HS6ST3: variants seen among roughly 807,000 people sequenced by gnomAD.
The protein encoded by HS6ST3 is heparan sulfate 6-O-sulfotransferase 3, also known as heparan-sulfate 6-O-sulfotransferase 3.
A neutral mutation model predicts 36.7 loss-of-function variants in HS6ST3; 12 were observed. The observed-to-expected ratio is 0.33, with a 90% CI of 0.21 to 0.53. HS6ST3 has a LOEUF of 0.53. Among genes scored for constraint, HS6ST3 ranks in the 20% least tolerant of loss-of-function variants. The pLI is 0.95. For missense variants in HS6ST3, 584 were observed against 640.9 expected, an observed-to-expected ratio of 0.91 and a Z score of 0.96; for synonymous variants, 240 against 257.5, an observed-to-expected ratio of 0.93 and a Z score of 0.65.
At chr13:96,754,452 C>T (rs1876775182) in intron 1 of HS6ST3, among the ~76,000 whole-genome samples, 1 of 152,164 alleles carries the variant, frequency 6.6e-6, no homozygotes, top group Admixed American at 6.5e-5. Flanking sequence ...CTTGGAAGAG[C>T]TCACACGCTA....
chr13:96,441,796 G>T (rs1290226111), intron 1 of HS6ST3, among the ~76,000 whole-genome samples: 1 of 152,040 alleles, frequency 6.6e-6, no homozygotes. Flanking sequence ...TAAGATAGCT[G>T]TGAGAATATA....
At chr13:96,328,995 G>T (rs1190622029) in intron 1 of HS6ST3, among the ~76,000 whole-genome samples, 3 of 150,942 alleles carry the variant, frequency 2.0e-5, no homozygotes, top group African/African-American at 7.3e-5. Flanking sequence ...TTCTCTGATG[G>T]TAGTTTGTAT....
intron 1 of HS6ST3, among the ~76,000 whole-genome samples, chr13:96,542,957 G>C (rs1162552239): frequency 6.6e-6 from 1 of 152,138 alleles, no homozygotes; most frequent in African/African-American, 2.4e-5. Flanking sequence ...TGCTCGAAAG[G>C]AGATTTATAT....
At chr13:96,189,347 A>G (rs2054278627) in intron 1 of HS6ST3, among the ~76,000 whole-genome samples, 1 of 152,148 alleles carries the variant, frequency 6.6e-6, no homozygotes, top group Admixed American at 6.6e-5. Flanking sequence ...AAATTAAATT[A>G]CATTTAATAA....
chr13:96,655,703 C>T (rs2056622323), intron 1 of HS6ST3, among the ~76,000 whole-genome samples: 1 of 151,992 alleles, frequency 6.6e-6, no homozygotes, highest in South Asian at 2.1e-4. Flanking sequence ...GAAACAAAGT[C>T]ACCAAATTCC....
intron 1 of HS6ST3, among the ~76,000 whole-genome samples, chr13:96,367,779 C>A (rs2055270252): frequency 6.6e-6 from 1 of 152,134 alleles, no homozygotes; most frequent in Non-Finnish European, 1.5e-5. Flanking sequence ...AGATCATATC[C>A]AACCTAATCG....
chr13:96,214,185 A>C (rs1566290153), intron 1 of HS6ST3, among the ~76,000 whole-genome samples: 4 of 152,224 alleles, frequency 2.6e-5, no homozygotes, highest in Admixed American at 6.5e-5. Context: ...AGGTGTCATC[A>C]TGCATGCTGC....
At chr13:96,336,492 C>T (rs2055101536) in intron 1 of HS6ST3, among the ~76,000 whole-genome samples, 1 of 152,146 alleles carries the variant, frequency 6.6e-6, no homozygotes, top group Admixed American at 6.5e-5. Context: ...TTAGGGTAGG[C>T]CCCAATCTAG....
At chr13:96,521,174 C>A (rs918812654) in intron 1 of HS6ST3, among the ~76,000 whole-genome samples, 1 of 152,144 alleles carries the variant, frequency 6.6e-6, no homozygotes, top group Non-Finnish European at 1.5e-5. Context: ...ATATGTTGAA[C>A]CAGCCTTGCA....
intron 1 of HS6ST3, among the ~76,000 whole-genome samples, chr13:96,457,176 A>T (rs1322185159): frequency 1.3e-5 from 2 of 152,116 alleles, no homozygotes; most frequent in Non-Finnish European, 2.9e-5. Context: ...CAGTGGACAA[A>T]CACTTATTCT....
At chr13:96,478,016 A>C (rs2055872425) in intron 1 of HS6ST3, among the ~76,000 whole-genome samples, 1 of 152,200 alleles carries the variant, frequency 6.6e-6, no homozygotes, top group Non-Finnish European at 1.5e-5. Flanking sequence ...CAAAGTATCA[A>C]GAAGAGAAGG....
At chr13:96,223,860 A>G (rs559302866) in intron 1 of HS6ST3, among the ~76,000 whole-genome samples, 12 of 151,520 alleles carry the variant, frequency 7.9e-5, no homozygotes, top group African/African-American at 2.7e-4. Context: ...TAGTTGGGGG[A>G]CTTCAATCTC....
At chr13:96,537,180 A>G (rs1427355463) in intron 1 of HS6ST3, among the ~76,000 whole-genome samples, 4 of 152,322 alleles carry the variant, frequency 2.6e-5, no homozygotes, top group Non-Finnish European at 5.9e-5. Context: ...CGAAAGGCTT[A>G]TCTTACGTGG....
At position 96,715,245 on chromosome 13, in the gene HS6ST3, T is replaced by G. The variant is rs1329090691; in HGVS notation, c.708-117245T>G. Among the ~76,000 whole-genome samples, 4 of 152,128 alleles carry G rather than the reference T, an allele frequency of 2.6e-5. 1 individual carries two copies. The highest frequency in any genetic ancestry group is 6.3e-3 in the Middle Eastern group (2 of 316). The stretch of plus-strand genomic sequence containing the variant: ...AGTAAAAAAGAAATACTATGTATTT[T>G]ATGGATTTATGCCTATGAAGAAAAA... On this transcript the variant is annotated intron_variant, in intron 1 of 1. Coordinates refer to ENST00000376705, the MANE Select transcript of HS6ST3 (RefSeq NM_153456.4).
chr13:96,555,195 C>G (rs2056235839), intron 1 of HS6ST3, among the ~76,000 whole-genome samples: 1 of 152,028 alleles, frequency 6.6e-6, no homozygotes, highest in South Asian at 2.1e-4. Flanking sequence ...GTTCTCAACA[C>G]AAAACATTGA....
intron 1 of HS6ST3, among the ~76,000 whole-genome samples, chr13:96,264,205 T>G (rs558649865): frequency 1.3e-5 from 2 of 152,332 alleles, no homozygotes; most frequent in East Asian, 3.9e-4. Flanking sequence ...GAATGCATCT[T>G]CCATGTTTAT....
At chr13:96,310,423 C>T (rs1042188297) in intron 1 of HS6ST3, among the ~76,000 whole-genome samples, 2 of 152,050 alleles carry the variant, frequency 1.3e-5, no homozygotes, top group African/African-American at 4.8e-5. Context: ...AGGGTTGTCT[C>T]AGCTTTTTGG....
At chr13:96,411,748 G>A (rs960216162) in intron 1 of HS6ST3, among the ~76,000 whole-genome samples, 6 of 152,162 alleles carry the variant, frequency 3.9e-5, no homozygotes, top group African/African-American at 9.7e-5. Context: ...TAGTAAAGAC[G>A]TGAACAAAGG....
intron 1 of HS6ST3, among the ~76,000 whole-genome samples, chr13:96,127,289 T>G (rs2053956519): frequency 6.6e-6 from 1 of 152,348 alleles, no homozygotes; most frequent in Admixed American, 6.5e-5. Flanking sequence ...GGTGTTTCCA[T>G]GGACCGGGAG....
Sources: allele counts gnomAD v4.1 joint callset (sites outside exome capture counted in the v4.1 genomes callset), GRCh38; gene constraint gnomAD v4.1.1; transcripts MANE v1.5; gene names NCBI Gene and HGNC (gene_info 2026-07-23, HGNC 2026-07-21).